The following PLD1 variants were observed in gnomAD, a reference collection of about 807,000 sequenced individuals.
The protein encoded by PLD1 is choline phosphatase 1.
A neutral mutation model predicts 137.1 loss-of-function variants in PLD1; 112 were observed. The observed-to-expected ratio is 0.82, with a 90% CI of 0.70 to 0.96. The LOEUF is 0.96. PLD1 is among the 40% of genes least tolerant of loss of function. The pLI is 0.00. For synonymous variants in PLD1, 431 were observed against 454.7 expected (o/e 0.95, Z 0.66); for missense variants, 1,321 against 1,342.0 (o/e 0.98, Z 0.24).
At chr3:171,638,721 C>A (rs1735379258) in intron 23 of PLD1, among the ~76,000 whole-genome samples, 3 of 152,136 alleles carry the variant, frequency 2.0e-5, no homozygotes, top group Non-Finnish European at 4.4e-5. Flanking sequence ...TAATACAATA[C>A]CATTAATCGT....
At chr3:171,661,433 A>T (rs2108436313) in intron 20 of PLD1, among the ~76,000 whole-genome samples, 1 of 152,268 alleles carries the variant, frequency 6.6e-6, no homozygotes, top group African/African-American at 2.4e-5. Context: ...TCTCTGAACT[A>T]TTTTTATATT....
intron 1 of PLD1, among the ~76,000 whole-genome samples, chr3:171,787,537 A>G (rs1026143273): frequency 2.4e-4 from 36 of 152,192 alleles, no homozygotes; most frequent in African/African-American, 8.4e-4. Flanking sequence ...GAAAAATGTT[A>G]TGGATTTGTG....
intron 21 of PLD1, among the ~76,000 whole-genome samples, chr3:171,650,105 A>G (rs938401452): frequency 6.6e-6 from 1 of 152,218 alleles, no homozygotes; most frequent in Non-Finnish European, 1.5e-5. Flanking sequence ...TCACAAGGGA[A>G]GCAGGACACA....
chr3:171,727,045 T>G (rs1718572070), intron 6 of PLD1, among the ~76,000 whole-genome samples: 1 of 152,258 alleles, frequency 6.6e-6, no homozygotes, highest in Non-Finnish European at 1.5e-5. Flanking sequence ...TAAAACCTTA[T>G]TTATGGATAT....
intron 11 of PLD1, among the ~76,000 whole-genome samples, chr3:171,705,049 G>C (rs138155245): frequency 2.0e-5 from 3 of 152,170 alleles, no homozygotes; most frequent in African/African-American, 7.2e-5. Flanking sequence ...TACCTCCCCC[G>C]ACAAGCTCTG....
In PLD1 at chr3:171,612,856, A is replaced by T. The variant is rs997661301; in HGVS notation, c.2729-424T>A. ...ACAACCACTAGAGAACAAACAAAAA[A>T]GCTTAAAGAAAATGCTAAGTAGAAA... On this transcript the variant is annotated intron_variant, in intron 24 of 26. Coordinates refer to ENST00000351298, the MANE Select transcript of PLD1 (RefSeq NM_002662.5). This position sits in a 1 kb window ranked among gnomAD's most constrained non-coding sequence, Gnocchi z 4.1. 3.9e-5 allele frequency among the ~76,000 whole-genome samples: 6 copies of T among 152,196 alleles called. No homozygotes were observed. Among genetic ancestry groups the T allele is most frequent in the Non-Finnish European group, 1.5e-5 (1 of 68,034 alleles).
At chr3:171,703,386 A>T (rs1403812287) in intron 11 of PLD1, among the ~76,000 whole-genome samples, 1 of 152,212 alleles carries the variant, frequency 6.6e-6, no homozygotes, top group Non-Finnish European at 1.5e-5. Flanking sequence ...AGAACAGAAG[A>T]AGTAAAACTG....
intron 1 of PLD1, among the ~76,000 whole-genome samples, chr3:171,756,392 A>T (rs1389612826): frequency 6.6e-6 from 1 of 152,240 alleles, no homozygotes; most frequent in Non-Finnish European, 1.5e-5. Context: ...CCAGCTCTCT[A>T]TAAAGTTGCT....
chr3:171,708,641 C>G, intron 11 of PLD1, 114 bp downstream of exon 11: 1 of 613,188 alleles, frequency 1.6e-6, no homozygotes, highest in Non-Finnish European at 2.9e-6. Flanking sequence ...CTGGCCAAAC[C>G]ATCCACAGAT....
At chr3:171,628,360 C>T (rs1734331525) in intron 23 of PLD1, among the ~76,000 whole-genome samples, 2 of 152,116 alleles carry the variant, frequency 1.3e-5, no homozygotes. Context: ...GAAATTGTGG[C>T]AATAATCAAT....
Position 171,735,536 on chromosome 3 carries a change from C to T in PLD1, c.390G>A (p.Leu130=), listed in dbSNP as rs1175862274. ...TGCGGATAAAGGCTTTGTACTTGAG[C>T]AGCTCTCTGTGAAATTCTTGAAAAT... The part of the protein sequence containing the change: ...FKHFQEFHRE[L]LKYKAFIRIP... The change falls in exon 4 of 27, where the codon CTG becomes CTA. Residue 130 remains leucine, a synonymous_variant. Coordinates refer to ENST00000351298, the MANE Select transcript of PLD1 (RefSeq NM_002662.5). 2 of 1,613,318 alleles carry T rather than the reference C, an allele frequency of 1.2e-6. No homozygotes were observed. The highest frequency in any genetic ancestry group is 1.6e-4 in the Middle Eastern group (1 of 6,062).
Position 171,655,119 on chromosome 3 carries a change from C to T in PLD1, c.2429+4094G>A, listed in dbSNP as rs145230402. The stretch of plus-strand genomic sequence containing the variant: ...TTCTTTGGTGAGGCCTGGCTGACTG[C>T]GGACTGTCATTTCCCTCCATCTGCT... On this transcript the variant is annotated intron_variant, in intron 21 of 26. Transcript: ENST00000351298. 1.3e-4 allele frequency among the ~76,000 whole-genome samples: 20 copies of T among 152,278 alleles called. 1 individual carries two copies. The East Asian group carries it at 1.9e-3, about 15-fold the overall frequency.
rs374567178 is a variant in PLD1, at chr3:171,706,180, A to G, written c.1145+2575T>C. On this transcript the variant is annotated intron_variant, in intron 11 of 26. Coordinates refer to ENST00000351298, the MANE Select transcript of PLD1 (RefSeq NM_002662.5). The stretch of plus-strand genomic sequence containing the variant: ...TATCTATCTATCTACAACTGATATA[A>G]AAGTTTCCAAAATTAGTAGCCCTTA... Among the ~76,000 whole-genome samples, 11 of 149,898 alleles carry G rather than the reference A, an allele frequency of 7.3e-5. No individual in the cohort carries two copies. The South Asian group carries it at 8.5e-4, about 12-fold the overall frequency.
intron 1 of PLD1, among the ~76,000 whole-genome samples, chr3:171,739,437 T>G (rs533799113): frequency 1.3e-5 from 2 of 152,346 alleles, no homozygotes; most frequent in East Asian, 1.9e-4. Context: ...TCCCTGGAAC[T>G]ATGTAATCAA....
At chr3:171,779,456 T>A (rs1722705124) in intron 1 of PLD1, among the ~76,000 whole-genome samples, 1 of 152,134 alleles carries the variant, frequency 6.6e-6, no homozygotes, top group Non-Finnish European at 1.5e-5. Flanking sequence ...TTGTAGGTGA[T>A]GGGGTCTGGG....
At chr3:171,606,459 GT>G (rs1560138119) in intron 25 of PLD1, among the ~76,000 whole-genome samples, 2 of 152,162 alleles carry the variant, frequency 1.3e-5, no homozygotes, top group Non-Finnish European at 1.5e-5. Flanking sequence ...TAGGCTGAAT[GT>G]TTTTTTCTGA....
At chr3:171,620,742 C>CTCTATATATATATATATA (rs1473647659) in intron 23 of PLD1, among the ~76,000 whole-genome samples, 2 of 94,794 alleles carry the variant, frequency 2.1e-5, no homozygotes, top group African/African-American at 8.6e-5. Flanking sequence ...CTCTCTCTCT[C>CTCTATATATATATATATA]TATATATATA....
intron 8 of PLD1, among the ~76,000 whole-genome samples, chr3:171,722,331 A>G (rs2108234166): frequency 6.6e-6 from 1 of 152,346 alleles, no homozygotes; most frequent in South Asian, 2.1e-4. Context: ...AAGTCTGCAC[A>G]ATTTTACTTA....
chr3:171,786,858 A>C (rs1469441241), intron 1 of PLD1, among the ~76,000 whole-genome samples: 1 of 152,184 alleles, frequency 6.6e-6, no homozygotes, highest in African/African-American at 2.4e-5. Flanking sequence ...CTCTTATGCA[A>C]ACATTCTAGC....
Sources: allele counts gnomAD v4.1 joint callset (sites outside exome capture counted in the v4.1 genomes callset), GRCh38; gene constraint gnomAD v4.1.1; non-coding constraint Gnocchi (gnomAD v3.1); transcripts MANE v1.5; gene names NCBI Gene and HGNC (gene_info 2026-07-23, HGNC 2026-07-21).